Variants in BBX observed in about 807,000 individuals in gnomAD.
BBX encodes the protein BBX high mobility group box domain containing.
In BBX, 30 loss-of-function variants were observed where a neutral mutation model predicts 100.2. That is an observed-to-expected ratio of 0.30 (90% CI 0.22 to 0.41). The LOEUF (loss-of-function observed/expected upper bound fraction) is 0.41. Ranked by LOEUF, BBX falls within the 10% of genes least tolerant of loss-of-function variation. BBX has a pLI of 1.00. For missense variants in BBX, 1,023 were observed against 1,129.8 expected (o/e 0.91, Z 1.35); for synonymous variants, 376 against 388.1 (o/e 0.97, Z 0.37).
At chr3:107,627,541 CTT>C (rs2056268579) in intron 2 of BBX, among the ~76,000 whole-genome samples, 1 of 152,126 alleles carries the variant, frequency 6.6e-6, no homozygotes, top group Non-Finnish European at 1.5e-5. Context: ...ACAGTGAACT[CTT>C]TAATTTGATT....
At chr3:107,615,303 T>A (rs886318286) in intron 2 of BBX, among the ~76,000 whole-genome samples, 1 of 152,184 alleles carries the variant, frequency 6.6e-6, no homozygotes, top group African/African-American at 2.4e-5. Flanking sequence ...CATTGGATGG[T>A]AATACTGACG....
At chr3:107,711,896 G>A (rs1211143294) in intron 4 of BBX, among the ~76,000 whole-genome samples, 2 of 151,400 alleles carry the variant, frequency 1.3e-5, no homozygotes, top group African/African-American at 2.4e-5. Flanking sequence ...TTTTTAGAAA[G>A]GGTCTCACTG....
chr3:107,796,430 T>TAGA (rs2069679455), intron 15 of BBX, among the ~76,000 whole-genome samples: 1 of 152,238 alleles, frequency 6.6e-6, no homozygotes, highest in Admixed American at 6.5e-5. Flanking sequence ...AAGAGGTTAA[T>TAGA]GTTCTTTCTG....
rs146670808 is a variant in BBX, at chr3:107,684,280, A to G, written c.-9-26172A>G. On this transcript the variant is annotated intron_variant, in intron 3 of 17. Coordinates refer to ENST00000325805, the MANE Select transcript of BBX (RefSeq NM_001142568.3). ...GTTTCATTCTACATATCATCATTAG[A>G]CTTTTGCCTTAGCAGTAAGTATGAA... 7.4e-3 allele frequency among the ~76,000 whole-genome samples: 1,128 copies of G among 152,294 alleles called. 10 individuals carry two copies. Among genetic ancestry groups the G allele is most frequent in the African/African-American group, 0.025 (1,034 of 41,552 alleles).
intron 10 of BBX, among the ~76,000 whole-genome samples, chr3:107,764,243 C>G (rs2066179183): frequency 6.6e-6 from 1 of 152,222 alleles, no homozygotes; most frequent in Non-Finnish European, 1.5e-5. Flanking sequence ...CCACCTGCCT[C>G]AGCCTCCCAA....
intron 2 of BBX, among the ~76,000 whole-genome samples, chr3:107,604,949 A>C (rs1402801618): frequency 6.6e-6 from 1 of 152,154 alleles, no homozygotes; most frequent in African/African-American, 2.4e-5. Context: ...ATTTCAGTTC[A>C]TCTTTACAGT....
chr3:107,716,767 G>A lies in BBX; in HGVS notation c.323G>A (p.Arg108Gln), dbSNP rs912087215. Residue 108 changes from arginine (R) to glutamine (Q), a missense_variant, in exon 5 of 18, where the codon CGA becomes CAA. Arg to Gln is a conservative substitution (Grantham distance 43, BLOSUM62 1). Coordinates refer to ENST00000325805, the MANE Select transcript of BBX (RefSeq NM_001142568.3). The part of the protein sequence containing the change: ...VRQEHPRLDN[R>Q]GATKILADWW... The stretch of plus-strand genomic sequence containing the variant: ...CAGGAACACCCCAGGCTTGATAACC[G>A]AGGTGCTACCAAGATACTAGCTGAT... The A allele has an allele frequency of 9.3e-6, 15 of 1,613,614 alleles. No homozygotes were observed. Among genetic ancestry groups the A allele is most frequent in the Middle Eastern group, 1.6e-4 (1 of 6,082 alleles).
intron 12 of BBX, among the ~76,000 whole-genome samples, chr3:107,776,869 A>T (rs997164262): frequency 2.6e-5 from 4 of 152,096 alleles, no homozygotes; most frequent in African/African-American, 9.7e-5. Flanking sequence ...ATTGTATCTG[A>T]TTTTCCATCA....
intron 9 of BBX, among the ~76,000 whole-genome samples, chr3:107,751,678 T>A (rs1009846423): frequency 2.0e-5 from 3 of 152,196 alleles, no homozygotes; most frequent in Non-Finnish European, 4.4e-5. Context: ...TGTTTGTAGG[T>A]GCCTCATAAA....
At chr3:107,653,777 G>C (rs1290029098) in intron 3 of BBX, among the ~76,000 whole-genome samples, 1 of 152,178 alleles carries the variant, frequency 6.6e-6, no homozygotes, top group Non-Finnish European at 1.5e-5. Flanking sequence ...GTTTCTGAGA[G>C]AGCCAGCCAG....
chr3:107,557,992 T>G (rs1383874753), intron 2 of BBX, among the ~76,000 whole-genome samples: 1 of 152,226 alleles, frequency 6.6e-6, no homozygotes, highest in East Asian at 1.9e-4. Flanking sequence ...TCCAGAATCC[T>G]GAATCAGAAA....
intron 5 of BBX, among the ~76,000 whole-genome samples, chr3:107,723,605 C>T (rs943771756): frequency 6.6e-6 from 1 of 152,016 alleles, no homozygotes; most frequent in Non-Finnish European, 1.5e-5. Context: ...GTTCCCCTTC[C>T]TGTTTCCAAG....
At chr3:107,791,458 A>G (rs538132774) in intron 15 of BBX, among the ~76,000 whole-genome samples, 159 bp downstream of exon 15, 20 of 152,312 alleles carry the variant, frequency 1.3e-4, no homozygotes, top group African/African-American at 3.8e-4. Context: ...CAAAGCTGCT[A>G]TTTGGGGGAC....
At chr3:107,777,458 C>T (rs1240596199) in intron 12 of BBX, among the ~76,000 whole-genome samples, 1 of 152,172 alleles carries the variant, frequency 6.6e-6, no homozygotes, top group Non-Finnish European at 1.5e-5. Flanking sequence ...TAAAATTGCT[C>T]TCCTCTTCCC....
At chr3:107,789,291 C>A (rs2068742776) in intron 13 of BBX, among the ~76,000 whole-genome samples, 1 of 152,138 alleles carries the variant, frequency 6.6e-6, no homozygotes, top group Non-Finnish European at 1.5e-5. Flanking sequence ...CTTTTTAAGT[C>A]ATTTTTTCTT....
At chr3:107,578,751 TC>T (rs964306293) in intron 2 of BBX, among the ~76,000 whole-genome samples, 10 of 152,074 alleles carry the variant, frequency 6.6e-5, no homozygotes, top group Admixed American at 2.0e-4. Flanking sequence ...AAGAAGCCCA[TC>T]CAGAGGTTCA....
chr3:107,605,171 A>G (rs144769209), intron 2 of BBX, among the ~76,000 whole-genome samples: 17 of 152,338 alleles, frequency 1.1e-4, no homozygotes, highest in African/African-American at 3.8e-4. Context: ...CTTGATTAAC[A>G]ACAGAAGGAA....
At chr3:107,547,492 G>A (rs926297053) in intron 2 of BBX, among the ~76,000 whole-genome samples, 10 of 152,014 alleles carry the variant, frequency 6.6e-5, no homozygotes, top group South Asian at 2.1e-4. Context: ...TTTGACATAC[G>A]ACTTTAAGAT....
chr3:107,716,888 A>G, intron 5 of BBX, 39 bp downstream of exon 5: 1 of 1,601,570 alleles, frequency 6.2e-7, no homozygotes, highest in Non-Finnish European at 8.5e-7. Flanking sequence ...AGCTAAAAGC[A>G]ACCAGTCCTG....
Sources: allele counts gnomAD v4.1 joint callset (sites outside exome capture counted in the v4.1 genomes callset), GRCh38; gene constraint gnomAD v4.1.1; transcripts MANE v1.5; gene names NCBI Gene and HGNC (gene_info 2026-07-23, HGNC 2026-07-21).